ABCB4: variants seen among roughly 807,000 people sequenced by gnomAD.
The protein encoded by ABCB4 is phosphatidylcholine translocator ABCB4.
ABCB4 carries 76 observed loss-of-function variants against 145.7 expected under a neutral mutation model. The observed-to-expected ratio is 0.52, with a 90% CI of 0.43 to 0.63. ABCB4 has a LOEUF of 0.63. Ranked by LOEUF, ABCB4 falls within the 30% of genes least tolerant of loss-of-function variation. ABCB4 has a pLI of 0.00. For missense variants in ABCB4, 1,234 were observed against 1,553.1 expected (o/e 0.79, Z 3.45); for synonymous variants, 517 against 566.8 (o/e 0.91, Z 1.25).
chr7:87,393,211 T>A, the ABCB4 span: 1 of 873,354 alleles, frequency 1.1e-6, no homozygotes, highest in Non-Finnish European at 1.7e-6. Flanking sequence ...CACTTAGGCA[T>A]TTAATGCATA....
At chr7:87,460,787 G>A (rs1184317126) in intron 4 of ABCB4, among the ~76,000 whole-genome samples, 1 of 151,746 alleles carries the variant, frequency 6.6e-6, no homozygotes, top group African/African-American at 2.4e-5. Context: ...AGTAGCTGGT[G>A]ATTTCGTATT....
Position 87,413,606 on chromosome 7 carries a change from T to C in ABCB4, c.2783+11A>G. 1 of 1,529,534 alleles carries C rather than the reference T, an allele frequency of 6.5e-7. No individual in the cohort carries two copies. Among genetic ancestry groups the C allele is most frequent in the Non-Finnish European group, 9.1e-7 (1 of 1,104,572 alleles). The allele number at this position is 1,529,534 out of a possible 1,614,324, so 94.7% of individuals were successfully genotyped here. A position where few individuals can be genotyped will look rare whatever the true frequency, so the allele number is the denominator to read the frequency against. ...CACTAGGTTCTTAGCAGGAATCATA[T>C]GGTTCATTACCTGTAAGGTCCATAC... On this transcript the variant is annotated intron_variant, in intron 22 of 27. Coordinates refer to ENST00000649586, the MANE Select transcript of ABCB4 (RefSeq NM_000443.4).
intron 3 of ABCB4, among the ~76,000 whole-genome samples, chr7:87,468,910 G>A (rs965665113): frequency 1.8e-4 from 18 of 97,932 alleles, no homozygotes; most frequent in South Asian, 9.2e-4. Flanking sequence ...CGGCCTGGGC[G>A]AAACAGCGCA....
At chr7:87,440,516 T>C in intron 12 of ABCB4, 114 bp from the exon 13 acceptor site, 1 of 884,782 alleles carries the variant, frequency 1.1e-6, no homozygotes, top group Non-Finnish European at 1.7e-6. Flanking sequence ...TGTTTAGAAA[T>C]AATAATTAGA....
At chr7:87,385,993 C>T in the ABCB4 span, among the ~76,000 whole-genome samples, 1 of 152,214 alleles carries the variant, frequency 6.6e-6, no homozygotes, top group South Asian at 2.1e-4. Flanking sequence ...TATTAATTTG[C>T]ATATGTTGAA....
At chr7:87,378,346 CAAAA>C in the ABCB4 span, among the ~76,000 whole-genome samples, 3 of 132,884 alleles carry the variant, frequency 2.3e-5, no homozygotes, top group Admixed American at 7.6e-5. Flanking sequence ...ACTCCGACTC[CAAAA>C]AAAAAAAAAA....
chr7:87,402,504 G>C (rs968016983), intron 27 of ABCB4, among the ~76,000 whole-genome samples: 7 of 152,008 alleles, frequency 4.6e-5, no homozygotes, highest in Non-Finnish European at 7.4e-5. Flanking sequence ...TAACACAAAT[G>C]GGTTCCCATG....
downstream of ABCB4, chr7:87,398,900 A>G (rs1242768978): frequency 5.2e-6 from 2 of 383,620 alleles, no homozygotes; most frequent in South Asian, 3.7e-5. Context: ...ACTATGCAGT[A>G]TTTAAGCCTC....
intron 17 of ABCB4, among the ~76,000 whole-genome samples, 155 bp from the exon 18 acceptor site, chr7:87,422,380 T>C (rs1176132114): frequency 6.6e-6 from 1 of 152,202 alleles, no homozygotes; most frequent in Non-Finnish European, 1.5e-5. Context: ...ACACAAAATT[T>C]ACCATTTTAA....
intron 6 of ABCB4, chr7:87,452,543 C>T (rs780749246): frequency 2.9e-4 from 83 of 290,252 alleles, no homozygotes; most frequent in African/African-American, 1.1e-3. Context: ...AATGGTACTT[C>T]GCACATGAAA....
the ABCB4 span, among the ~76,000 whole-genome samples, chr7:87,385,117 T>C: frequency 0.87 from 132,310 of 151,686 alleles, 57,853 homozygotes; most frequent in Middle Eastern, 0.94. Flanking sequence ...TTTTGAAGTT[T>C]GGTAATGTGA....
chr7:87,376,092 A>T, the ABCB4 span: 1 of 708,050 alleles, frequency 1.4e-6, no homozygotes, highest in South Asian at 2.6e-5. Context: ...TACTTGTGCC[A>T]AATTGAAGCT....
intron 26 of ABCB4, chr7:87,405,863 T>C: frequency 7.7e-6 from 2 of 259,524 alleles, no homozygotes; most frequent in East Asian, 1.0e-4. Flanking sequence ...AGTATCCTGC[T>C]TGTGATACTG....
intron 4 of ABCB4, among the ~76,000 whole-genome samples, chr7:87,462,368 A>T (rs771030672): frequency 3.3e-5 from 5 of 152,070 alleles, no homozygotes; most frequent in Non-Finnish European, 5.9e-5. Flanking sequence ...CAGATCTACA[A>T]GCTAAACACA....
In ABCB4 at chr7:87,402,272, C is replaced by T. The variant is rs752080958; in HGVS notation, c.3664G>A (p.Glu1222Lys). 6.8e-6 allele frequency: 11 copies of T among 1,614,044 alleles called. No homozygotes were observed. In the South Asian group the frequency reaches 1.2e-4, roughly 18 times the overall value. ...VVQEALDKAR[E>K]GRTCIVIAHR... Reference sequence around the variant, plus strand: ...GCAATCACAATGCAGGTGCGGCCTTCTCTGGCTTTGTCCAGGGCTTCTTGG... The same window carrying T: ...GCAATCACAATGCAGGTGCGGCCTTTTCTGGCTTTGTCCAGGGCTTCTTGG... The change falls in exon 28 of 28, where the codon GAA (glutamate) becomes AAA (lysine). Residue 1222 changes from glutamate (E) to lysine (K), a missense_variant. Around this residue, in one of 7 missense-constraint regions of ABCB4, gnomAD observed 58 missense variants for 75.9 expected, o/e 0.76. Coordinates refer to ENST00000649586, the MANE Select transcript of ABCB4 (RefSeq NM_000443.4).
intron 3 of ABCB4, among the ~76,000 whole-genome samples, chr7:87,465,883 G>A (rs772678974): frequency 5.3e-5 from 8 of 152,058 alleles, no homozygotes; most frequent in East Asian, 1.9e-4. Flanking sequence ...GGACATCCAC[G>A]CCAAAACCCA....
intron 4 of ABCB4, among the ~76,000 whole-genome samples, chr7:87,458,707 C>T (rs968818854): frequency 6.6e-6 from 1 of 152,136 alleles, no homozygotes; most frequent in African/African-American, 2.4e-5. Flanking sequence ...AGAGTGGATG[C>T]TGGAAATTCA....
chr7:87,472,688 G>A lies in ABCB4; in HGVS notation c.81-13C>T. 1.3e-6 allele frequency: 2 copies of A among 1,560,842 alleles called. No individual in the cohort carries two copies. The highest frequency in any genetic ancestry group is 1.8e-6 in the Non-Finnish European group (2 of 1,132,448). On this transcript the variant is annotated splice_polypyrimidine_tract_variant and intron_variant, in intron 2 of 27. Coordinates refer to ENST00000649586, the MANE Select transcript of ABCB4 (RefSeq NM_000443.4). The stretch of plus-strand genomic sequence containing the variant: ...CCTTTTTTGTTTGCTGTAAAAAATA[G>A]AATTGCTTCAATTTAAAACTGTTAC...
intron 24 of ABCB4, 78 bp from the exon 25 acceptor site, chr7:87,408,312 T>A (rs1808360609): frequency 7.7e-6 from 11 of 1,419,954 alleles, no homozygotes; most frequent in Non-Finnish European, 1.1e-5. Context: ...CAAGGAAACT[T>A]TACCAAAGAC....
Sources: gnomAD v4.1 joint callset for allele counts (sites outside exome capture counted in the v4.1 genomes callset) on GRCh38, gnomAD v4.1.1 for gene constraint, gnomAD v4.1.1 regional missense constraint, MANE v1.5 for transcripts, NCBI Gene and HGNC (gene_info 2026-07-23, HGNC 2026-07-21) for gene names.